CFAP47: variants seen among roughly 807,000 people sequenced by gnomAD.
CFAP47 encodes the protein cilia and flagella associated protein 47, also known as cilia- and flagella-associated protein 47.
A neutral mutation model predicts 148.1 loss-of-function variants in CFAP47; 29 were observed. That is an observed-to-expected ratio of 0.20 (90% confidence interval 0.15 to 0.27). CFAP47 has a LOEUF of 0.27. Among genes scored for constraint, CFAP47 ranks in the 10% least tolerant of loss-of-function variants. The probability of loss-of-function intolerance (pLI) is 1.00; values close to 1 mark genes in which losing one functional copy is unlikely to be tolerated. For synonymous variants in CFAP47, 664 were observed against 577.3 expected (o/e 1.15, Z -2.15); for missense variants, 1,872 against 1,697.5 (o/e 1.10, Z -1.81).
At chrX:36,250,252 T>C (rs1337720461) in intron 48 of CFAP47, among the ~76,000 whole-genome samples, 1 of 111,376 alleles carries the variant, frequency 9.0e-6, no homozygotes, top group Non-Finnish European at 1.9e-5. Flanking sequence ...GGAAATCCTG[T>C]CATTTGTGAC....
In CFAP47 at chrX:36,313,328, A is replaced by G. The variant is rs1419987700; in HGVS notation, c.8344+2339A>G. Among the ~76,000 whole-genome samples, 3 of 110,636 alleles carry G rather than the reference A, an allele frequency of 2.7e-5. No individual in the cohort carries two copies. In the Admixed American group the frequency reaches 2.9e-4, roughly 11 times the overall value. Reference sequence around the variant, plus strand: ...TGGAAAAAAAACAGGCATGTGTTACATGACGGCAGGGAAGAGAGATCAAGT... The same window carrying G: ...TGGAAAAAAAACAGGCATGTGTTACGTGACGGCAGGGAAGAGAGATCAAGT... On this transcript the variant is annotated intron_variant, in intron 56 of 63. Coordinates refer to ENST00000378653, the MANE Select transcript of CFAP47 (RefSeq NM_001304548.2).
chrX:36,222,109 C>T (rs1199360585), intron 45 of CFAP47, among the ~76,000 whole-genome samples: 2 of 111,878 alleles, frequency 1.8e-5, no homozygotes, highest in African/African-American at 6.5e-5. Context: ...GTGCACTTAA[C>T]AACTTTTCAG....
At chrX:35,955,755 G>A (rs899699526) in intron 7 of CFAP47, among the ~76,000 whole-genome samples, 6 of 112,466 alleles carry the variant, frequency 5.3e-5, no homozygotes, top group Non-Finnish European at 7.5e-5. Flanking sequence ...TGTAAAGTCC[G>A]TAAGAGCAGG....
At chrX:36,046,823 G>A in intron 25 of CFAP47, 31 bp from the exon 26 acceptor site, 1 of 1,000,853 alleles carries the variant, frequency 1.0e-6, no homozygotes, top group South Asian at 2.5e-5. Flanking sequence ...GGTATTTTGA[G>A]CTAATGAAAC....
intron 61 of CFAP47, among the ~76,000 whole-genome samples, chrX:36,365,285 T>C (rs945001652): frequency 2.7e-5 from 3 of 110,864 alleles, no homozygotes; most frequent in African/African-American, 9.8e-5. Context: ...ATTGTTTCTA[T>C]GCAACATACT....
chrX:36,078,179 G>C lies in CFAP47; in HGVS notation c.4691+4815G>C, dbSNP rs1404182606. ...GGGTGCTGAGAAGAATGTATATTCT[G>C]TTGATTTGGGGTGGAGAGTTCTGTA... On this transcript the variant is annotated intron_variant, in intron 29 of 63. Coordinates refer to ENST00000378653, the MANE Select transcript of CFAP47 (RefSeq NM_001304548.2). Among the ~76,000 whole-genome samples the C allele has an allele frequency of 3.6e-5, 4 of 112,077 alleles. No individual in the cohort carries two copies. The Admixed American group carries it at 3.8e-4, about 11-fold the overall frequency.
intron 49 of CFAP47, among the ~76,000 whole-genome samples, chrX:36,278,871 A>T (rs1556003093): frequency 8.9e-6 from 1 of 112,018 alleles, no homozygotes; most frequent in Non-Finnish European, 1.9e-5. Context: ...TTAATTGCTC[A>T]GTAGTCACAT....
chrX:36,235,819 G>A (rs782213304), intron 46 of CFAP47, 115 bp from the exon 47 acceptor site: 98 of 350,050 alleles, frequency 2.8e-4, no homozygotes, highest in African/African-American at 2.3e-3. Flanking sequence ...TGATTCCTTG[G>A]AAATACAATT....
chrX:36,123,109 A>C (rs1243026169), intron 33 of CFAP47, among the ~76,000 whole-genome samples: 2 of 112,237 alleles, frequency 1.8e-5, no homozygotes, highest in East Asian at 5.7e-4. Flanking sequence ...CTGGATTATC[A>C]GGCAGAGACT....
At chrX:36,318,784 C>T (rs1027187073) in intron 56 of CFAP47, among the ~76,000 whole-genome samples, 1 of 110,248 alleles carries the variant, frequency 9.1e-6, no homozygotes, top group African/African-American at 3.4e-5. Context: ...TTAATATCTA[C>T]TTGTTGAGTA....
At chrX:36,140,289 A>C (rs1939117608) in intron 35 of CFAP47, among the ~76,000 whole-genome samples, 1 of 111,636 alleles carries the variant, frequency 9.0e-6, no homozygotes, top group Non-Finnish European at 1.9e-5. Flanking sequence ...TGCACAGAAC[A>C]CTTAGAGTTT....
intron 60 of CFAP47, 87 bp downstream of exon 60, chrX:36,353,768 T>C (rs782464089): frequency 5.9e-6 from 4 of 680,207 alleles, no homozygotes; most frequent in Non-Finnish European, 8.6e-6. Flanking sequence ...TGCAGTTACA[T>C]TAAGATCCAT....
chrX:36,019,140 G>A (rs1378389658), intron 22 of CFAP47, among the ~76,000 whole-genome samples: 2 of 111,795 alleles, frequency 1.8e-5, no homozygotes, highest in African/African-American at 3.3e-5. Flanking sequence ...ACAGATGAAT[G>A]AAGTACACCG....
intron 51 of CFAP47, among the ~76,000 whole-genome samples, chrX:36,297,186 A>T (rs1941250844): frequency 8.9e-6 from 1 of 111,860 alleles, no homozygotes; most frequent in Non-Finnish European, 1.9e-5. Flanking sequence ...TCACCACACT[A>T]AATGTTGTTT....
At chrX:36,346,531 T>C (rs782444480) in intron 57 of CFAP47, among the ~76,000 whole-genome samples, 1 of 112,156 alleles carries the variant, frequency 8.9e-6, no homozygotes, top group South Asian at 3.7e-4. Context: ...ATCAGCTAAA[T>C]AAATTAACAG....
chrX:35,980,893 A>G (rs1936633936), intron 15 of CFAP47, among the ~76,000 whole-genome samples: 1 of 110,611 alleles, frequency 9.0e-6, no homozygotes, highest in Non-Finnish European at 1.9e-5. Flanking sequence ...ATACTTATTT[A>G]TTTGGACAAT....
At chrX:36,270,493 T>C (rs12396391) in intron 49 of CFAP47, among the ~76,000 whole-genome samples, 11,029 of 106,090 alleles carry the variant, frequency 0.1, 875 homozygotes, top group African/African-American at 0.25. Context: ...AATCCTTTAC[T>C]TATTGCTCCC....
intron 48 of CFAP47, among the ~76,000 whole-genome samples, chrX:36,249,062 T>C (rs1371017725): frequency 9.2e-6 from 1 of 109,119 alleles, no homozygotes; most frequent in Non-Finnish European, 1.9e-5. Context: ...TTTGTAGATG[T>C]GCATACCTGT....
chrX:36,154,203 C>A (rs1420300188), intron 37 of CFAP47, among the ~76,000 whole-genome samples: 1 of 112,093 alleles, frequency 8.9e-6, no homozygotes, highest in East Asian at 2.8e-4. Context: ...TAAATCATTT[C>A]TTTCTTCTTC....
Sources: gnomAD v4.1 joint callset for allele counts (sites outside exome capture counted in the v4.1 genomes callset) on GRCh38, gnomAD v4.1.1 for gene constraint, MANE v1.5 for transcripts, NCBI Gene and HGNC (gene_info 2026-07-23, HGNC 2026-07-21) for gene names.